Variants in DPYD observed in about 807,000 individuals in gnomAD.
The protein encoded by DPYD is dihydropyrimidine dehydrogenase [NADP(+)].
A neutral mutation model predicts 116.2 loss-of-function variants in DPYD; 109 were observed. The ratio of observed to expected loss-of-function variants is 0.94; its 90% confidence interval spans 0.80 to 1.10. The LOEUF (loss-of-function observed/expected upper bound fraction) is 1.10, where lower values mean the gene tolerates loss of function less well. Ranked by LOEUF, DPYD falls within the 50% of genes least tolerant of loss-of-function variation. The pLI, the probability that DPYD is intolerant of heterozygous loss-of-function variation, is 0.00. For missense variants in DPYD, 1,302 were observed against 1,254.5 expected (o/e 1.04, Z -0.57); for synonymous variants, 440 against 432.0 (o/e 1.02, Z -0.23).
chr1:97,479,054 G>T (rs1263163220), intron 13 of DPYD, among the ~76,000 whole-genome samples: 1 of 152,108 alleles, frequency 6.6e-6, no homozygotes, highest in Non-Finnish European at 1.5e-5. Flanking sequence ...GTGCTGATTT[G>T]GTCTATCCAG....
intron 20 of DPYD, among the ~76,000 whole-genome samples, chr1:97,142,250 G>T (rs1324815651): frequency 6.6e-6 from 1 of 152,042 alleles, no homozygotes; most frequent in Non-Finnish European, 1.5e-5. Flanking sequence ...TGTACATTAG[G>T]GATAAGTAAA....
At position 97,746,484 on chromosome 1, in the gene DPYD, G is replaced by A. The variant is rs1206110970; in HGVS notation, c.234-6005C>T. ...CACCTTTTATAAAATTTTAAACAAAGCTTGTCCTATTTTACTATACACGAA... is the reference window on the plus strand; with the variant it reads ...CACCTTTTATAAAATTTTAAACAAAACTTGTCCTATTTTACTATACACGAA... On this transcript the variant is annotated intron_variant, in intron 3 of 22. Transcript: ENST00000370192. Among the ~76,000 whole-genome samples the A allele has an allele frequency of 2.0e-5, 3 of 151,936 alleles. No homozygotes were observed. The East Asian group carries it at 5.8e-4, about 29-fold the overall frequency.
rs943466667 is a variant in DPYD, at chr1:97,729,273, T to C, written c.322-7602A>G. On this transcript the variant is annotated intron_variant, in intron 4 of 22. Coordinates refer to ENST00000370192, the MANE Select transcript of DPYD (RefSeq NM_000110.4). Reference sequence around the variant, plus strand: ...CTGAATTTGAATTCTGCTTATACTATGCACAAGCAATATGACTGGGGAAAT... The same window carrying C: ...CTGAATTTGAATTCTGCTTATACTACGCACAAGCAATATGACTGGGGAAAT... 5.3e-4 allele frequency among the ~76,000 whole-genome samples: 81 copies of C among 152,138 alleles called. 3 individuals are homozygous for C. The highest frequency in any genetic ancestry group is 1.3e-4 in the Admixed American group (2 of 15,268).
At chr1:97,548,844 C>T (rs997945878) in intron 12 of DPYD, among the ~76,000 whole-genome samples, 2 of 152,008 alleles carry the variant, frequency 1.3e-5, no homozygotes, top group South Asian at 2.1e-4. Flanking sequence ...ATTTGGAAAA[C>T]AGACAGGACC....
rs1650801513 is a variant in DPYD at position 97,545,805 on chromosome 1, G to A, written c.1524+3755C>T. The A allele has an allele frequency of 6.0e-6, 9 of 1,503,486 alleles. No individual in the cohort carries two copies. In the East Asian group the frequency reaches 2.0e-4, roughly 34 times the overall value. 93.1% of individuals were successfully genotyped at this position (1,503,486 alleles called of 1,614,324 possible). On this transcript the variant is annotated intron_variant, in intron 12 of 22. Coordinates refer to ENST00000370192, the MANE Select transcript of DPYD (RefSeq NM_000110.4). ...TGAAGCTTTCTCAGATGGCCGTTCA[G>A]GGACTTCAGCAATTTAAGTCTCCCC...
intron 18 of DPYD, among the ~76,000 whole-genome samples, chr1:97,290,220 T>A (rs940343193): frequency 3.9e-5 from 6 of 152,152 alleles, no homozygotes; most frequent in African/African-American, 1.4e-4. Flanking sequence ...TCCATGCTCA[T>A]GGGTAGGAAG....
chr1:97,251,801 C>T (rs1663119865), intron 18 of DPYD, among the ~76,000 whole-genome samples: 1 of 152,108 alleles, frequency 6.6e-6, no homozygotes, highest in African/African-American at 2.4e-5. Context: ...GCCAGGCATG[C>T]TAAAAATCAC....
At chr1:97,206,953 T>C (rs1439915458) in intron 19 of DPYD, among the ~76,000 whole-genome samples, 1 of 151,802 alleles carries the variant, frequency 6.6e-6, no homozygotes, top group Non-Finnish European at 1.5e-5. Flanking sequence ...CATACATAAT[T>C]ATCTACTTCA....
chr1:97,755,946 A>G (rs1432324438), intron 3 of DPYD, among the ~76,000 whole-genome samples: 1 of 152,204 alleles, frequency 6.6e-6, no homozygotes, highest in Non-Finnish European at 1.5e-5. Context: ...ACTGTTTTTT[A>G]ATAGCCACTT....
At chr1:97,398,183 G>A (rs555806348) in intron 14 of DPYD, among the ~76,000 whole-genome samples, 1 of 152,244 alleles carries the variant, frequency 6.6e-6, no homozygotes, top group South Asian at 2.1e-4. Flanking sequence ...ACCTATGAGT[G>A]AGAACATGCG....
At chr1:97,163,925 T>G (rs535775355) in intron 20 of DPYD, among the ~76,000 whole-genome samples, 1 of 152,054 alleles carries the variant, frequency 6.6e-6, no homozygotes, top group Non-Finnish European at 1.5e-5. Flanking sequence ...GTTCATAGAG[T>G]TCAATCATTA....
At chr1:97,265,367 G>T (rs753170287) in intron 18 of DPYD, 1 of 152,106 alleles carries the variant, frequency 6.6e-6, no homozygotes, top group African/African-American at 2.4e-5. Flanking sequence ...ACAGTTAGAG[G>T]TATTTGAGAT....
chr1:97,751,456 GTGTGTATATA>G (rs1478437636), intron 3 of DPYD, among the ~76,000 whole-genome samples: 6 of 24,414 alleles, frequency 2.5e-4, no homozygotes, highest in Non-Finnish European at 3.3e-4. Flanking sequence ...GTGTGTGTGT[GTGTGTATATA>G]TATATATATA....
chr1:97,573,943 C>A lies in DPYD; in HGVS notation c.1156G>T (p.Glu386Ter), dbSNP rs78060119. ...EMELAKEEKC[E>*]FLPFLSPRKV... ...CGTGGGGACAGGAATGGCAGAAATTCACACTTTTCTTCCTTAGCAAGTTCC... is the reference window on the plus strand; with the variant it reads ...CGTGGGGACAGGAATGGCAGAAATTAACACTTTTCTTCCTTAGCAAGTTCC... The change falls in exon 11 of 23, where the codon GAA becomes TAA. Residue 386 changes from glutamate (E) to a stop codon, truncating the protein, a stop_gained. Coordinates refer to ENST00000370192, the MANE Select transcript of DPYD (RefSeq NM_000110.4). LOFTEE classifies it high-confidence loss of function. 5.0e-6 allele frequency: 8 copies of A among 1,613,432 alleles called. No individual in the cohort carries two copies. The highest frequency in any genetic ancestry group is 4.5e-5 in the East Asian group (2 of 44,834).
At chr1:97,906,410 T>C (rs1331598812) in intron 1 of DPYD, among the ~76,000 whole-genome samples, 1 of 152,038 alleles carries the variant, frequency 6.6e-6, no homozygotes. Flanking sequence ...ATTGGTGAAA[T>C]TGCCTCATCT....
chr1:97,391,172 T>A (rs1002563751), intron 14 of DPYD, among the ~76,000 whole-genome samples: 3 of 151,670 alleles, frequency 2.0e-5, no homozygotes, highest in African/African-American at 7.3e-5. Context: ...GACATCATAT[T>A]CGCAATGACT....
intron 20 of DPYD, among the ~76,000 whole-genome samples, chr1:97,135,276 A>C (rs1319938299): frequency 1.3e-5 from 2 of 152,196 alleles, no homozygotes; most frequent in Non-Finnish European, 2.9e-5. Context: ...TAAATTATTA[A>C]GTGTTCATTA....
intron 8 of DPYD, among the ~76,000 whole-genome samples, chr1:97,646,408 T>A (rs915296518): frequency 5.9e-5 from 9 of 152,008 alleles, no homozygotes; most frequent in African/African-American, 2.2e-4. Flanking sequence ...TCCCATTGTG[T>A]CTTTATTTTA....
intron 20 of DPYD, among the ~76,000 whole-genome samples, chr1:97,140,679 G>A (rs549346205): frequency 1.3e-5 from 2 of 152,176 alleles, no homozygotes; most frequent in South Asian, 4.2e-4. Context: ...CTAAGCATCC[G>A]GCCTTTTCTC....
Sources: gnomAD v4.1 joint callset for allele counts (sites outside exome capture counted in the v4.1 genomes callset) on GRCh38, gnomAD v4.1.1 for gene constraint, MANE v1.5 for transcripts, NCBI Gene and HGNC (gene_info 2026-07-23, HGNC 2026-07-21) for gene names.